GPR83: variants seen among roughly 807,000 people sequenced by gnomAD.
The protein encoded by GPR83 is G protein-coupled receptor 83.
In GPR83, 23 loss-of-function variants were observed where a neutral mutation model predicts 28.0. That is an observed-to-expected ratio of 0.82 (90% CI 0.59 to 1.16). The LOEUF is 1.16. Among genes scored for constraint, GPR83 ranks in the 50% most tolerant of loss-of-function variants. The probability of loss-of-function intolerance (pLI) is 0.00; values close to 1 mark genes in which losing one functional copy is unlikely to be tolerated. For missense variants in GPR83, 610 were observed against 536.6 expected (o/e 1.14, Z -1.35); for synonymous variants, 234 against 215.4 (o/e 1.09, Z -0.76).
At chr11:94,394,045 G>T (rs760972688) in intron 2 of GPR83, among the ~76,000 whole-genome samples, 15 of 152,082 alleles carry the variant, frequency 9.9e-5, no homozygotes, top group Non-Finnish European at 1.6e-4. Context: ...CATCTGCCCC[G>T]CTGGTCATAC....
In GPR83 at chr11:94,380,119, A is replaced by G. The variant is rs775742094; in HGVS notation, c.*30T>C. On this transcript the variant is annotated 3_prime_UTR_variant, in exon 4 of 4. Coordinates refer to ENST00000243673, the MANE Select transcript of GPR83 (RefSeq NM_016540.4). The stretch of plus-strand genomic sequence containing the variant: ...CTTTCCCTGCCTCAGGTGGAGACAG[A>G]CCCCTCCCACTCCCTCTTCCCAACC... 6.7e-7 allele frequency: 1 copy of G among 1,491,806 alleles called. No homozygotes were observed. The highest frequency in any genetic ancestry group is 1.4e-5 in the South Asian group (1 of 69,358). The allele number at this position is 1,491,806 out of a possible 1,614,324, so 92.4% of individuals were successfully genotyped here.
rs1184023257 is a variant in GPR83 at position 94,380,089 on chromosome 11, G to T, written c.*60C>A. On this transcript the variant is annotated 3_prime_UTR_variant, in exon 4 of 4. Transcript: ENST00000243673. ...CTCTGAAGATCATGTGTGAGAATAG[G>T]CTCTCTTTCCCTGCCTCAGGTGGAG... The T allele has an allele frequency of 1.4e-5, 19 of 1,318,314 alleles. No individual in the cohort carries two copies. The highest frequency in any genetic ancestry group is 1.9e-5 in the Non-Finnish European group (18 of 968,000). 81.7% of individuals were successfully genotyped at this position (1,318,314 alleles called of 1,614,324 possible).
At chr11:94,384,722 C>T (rs188497591) in intron 3 of GPR83, among the ~76,000 whole-genome samples, 272 of 152,318 alleles carry the variant, frequency 1.8e-3, no homozygotes, top group Non-Finnish European at 3.4e-3. Flanking sequence ...TGGGTGGAGC[C>T]CACTGCAGCT....
chr11:94,380,846 A>T, intron 3 of GPR83, 73 bp from the exon 4 acceptor site: 1 of 1,343,304 alleles, frequency 7.4e-7, no homozygotes, highest in Non-Finnish European at 1.0e-6. Flanking sequence ...CTTCATCCCA[A>T]GAAGCACTGG....
intron 1 of GPR83, among the ~76,000 whole-genome samples, chr11:94,400,210 T>G (rs1944897864): frequency 6.6e-6 from 1 of 152,160 alleles, no homozygotes; most frequent in Admixed American, 6.5e-5. Context: ...TCATCTCTGC[T>G]GACATTTCAG....
chr11:94,395,294 A>C (rs1401609484), intron 2 of GPR83, among the ~76,000 whole-genome samples: 4 of 152,196 alleles, frequency 2.6e-5, no homozygotes, highest in Non-Finnish European at 4.4e-5. Context: ...ATTGGACTGT[A>C]TCTTTGAATC....
Position 94,401,132 on chromosome 11 carries a change from G to T in GPR83, c.116C>A (p.Ser39Ter), listed in dbSNP as rs1416323128. Reference protein sequence around the residue: ...AEAALAVPNASHFFSWNNYTF... With the variant: ...AEAALAVPNA Reference sequence around the variant, plus strand: ...GTAGTTGTTCCAAGAGAAGAAGTGCGAGGCATTGGGCACGGCCAGGGCCGC... The same window carrying T: ...GTAGTTGTTCCAAGAGAAGAAGTGCTAGGCATTGGGCACGGCCAGGGCCGC... Residue 39 changes from serine (S) to a stop codon, truncating the protein, a stop_gained, in exon 1 of 4, where the codon TCG (serine) becomes TAG (stop). Coordinates refer to ENST00000243673, the MANE Select transcript of GPR83 (RefSeq NM_016540.4). LOFTEE classifies it high-confidence loss of function. 1 of 1,614,232 alleles carries T rather than the reference G, an allele frequency of 6.2e-7. No individual in the cohort carries two copies.
intron 3 of GPR83, among the ~76,000 whole-genome samples, chr11:94,387,215 A>G (rs1295525097): frequency 6.6e-6 from 1 of 152,230 alleles, no homozygotes; most frequent in East Asian, 1.9e-4. Context: ...AATGCCCACA[A>G]GGGAAACCAG....
chr11:94,399,671 T>C (rs1381224591), intron 1 of GPR83, among the ~76,000 whole-genome samples: 1 of 152,238 alleles, frequency 6.6e-6, no homozygotes, highest in African/African-American at 2.4e-5. Flanking sequence ...TTGTCTGTTA[T>C]ATCTGGTTGT....
At chr11:94,381,012 G>C (rs1364286494) in intron 3 of GPR83, among the ~76,000 whole-genome samples, 1 of 152,088 alleles carries the variant, frequency 6.6e-6, no homozygotes, top group African/African-American at 2.4e-5. Flanking sequence ...TCTTAATCTT[G>C]TGCAATTCCT....
intron 1 of GPR83, among the ~76,000 whole-genome samples, chr11:94,400,593 C>T (rs1565189446): frequency 1.4e-5 from 2 of 144,786 alleles, no homozygotes; most frequent in Non-Finnish European, 3.0e-5. Context: ...AGAAGAGAGA[C>T]AGAAAGACTT....
intron 1 of GPR83, among the ~76,000 whole-genome samples, chr11:94,399,012 T>C (rs1053411967): frequency 6.6e-6 from 1 of 152,146 alleles, no homozygotes; most frequent in Non-Finnish European, 1.5e-5. Context: ...CTCTCAGGTG[T>C]AGCCTGTCCT....
intron 3 of GPR83, among the ~76,000 whole-genome samples, chr11:94,383,875 C>A (rs148382857): frequency 2.6e-4 from 39 of 152,262 alleles, no homozygotes; most frequent in African/African-American, 9.1e-4. Flanking sequence ...CAGGACCAGA[C>A]AGATTCACAG....
chr11:94,393,564 T>C lies in GPR83; in HGVS notation c.568A>G (p.Ile190Val), dbSNP rs771259350. The C allele has an allele frequency of 5.0e-6, 8 of 1,613,772 alleles. No individual in the cohort carries two copies. The Admixed American group carries it at 5.0e-5, about 10-fold the overall frequency. Residue 190 changes from isoleucine (I) to valine (V), a missense_variant, in exon 3 of 4, where the codon ATC becomes GTC. Transcript: ENST00000243673. ...GTAGCCATGGTCCAGATGACAGCGATGTAGATGACACCCTTTGTGATTGAG... is the reference window on the plus strand; with the variant it reads ...GTAGCCATGGTCCAGATGACAGCGACGTAGATGACACCCTTTGTGATTGAG... ...RISITKGVIY[I>V]AVIWTMATFF... is the part of the protein sequence containing the mutation.
intron 3 of GPR83, among the ~76,000 whole-genome samples, chr11:94,381,363 C>A (rs1002522448): frequency 1.3e-5 from 2 of 152,040 alleles, no homozygotes; most frequent in African/African-American, 4.8e-5. Context: ...AGAGAGGAAA[C>A]TTCCTTTGCT....
chr11:94,394,870 CA>C (rs1944851564), intron 2 of GPR83, among the ~76,000 whole-genome samples: 1 of 152,168 alleles, frequency 6.6e-6, no homozygotes, highest in African/African-American at 2.4e-5. Flanking sequence ...TCAACATGAG[CA>C]AGGCTTTGCC....
rs984002109 is a variant in GPR83, at chr11:94,380,451, T to C, written c.970A>G (p.Asn324Asp). 6.2e-7 allele frequency: 1 copy of C among 1,614,080 alleles called. No individual in the cohort carries two copies. The highest frequency in any genetic ancestry group is 1.3e-5 in the African/African-American group (1 of 75,020). ...LLSSKVIRTNNALYFAFHWFA... is the reference protein window; with the variant it reads ...LLSSKVIRTNDALYFAFHWFA... ...CAGTGGAAGGCAAAGTAGAGGGCAT[T>C]GTTGGTGCGGATGACCTTGCTGGAC... Residue 324 changes from asparagine (N) to aspartate (D), a missense_variant, in exon 4 of 4, where the codon AAT becomes GAT. By Grantham distance (23) the Asn-to-Asp change is conservative. Transcript: ENST00000243673.
chr11:94,396,446 G>T lies in GPR83; in HGVS notation c.466C>A (p.His156Asn). 2 of 1,614,080 alleles carry T rather than the reference G, an allele frequency of 1.2e-6. No homozygotes were observed. Among genetic ancestry groups the T allele is most frequent in the Non-Finnish European group, 1.7e-6 (2 of 1,179,912 alleles). ...VSRFAQYCSL[H>N]VSALTLTAIA... ...GCTGTCAGTGTCAGTGCTGAGACGT[G>T]CAGTGAGCAGTACTGGGCAAAGCGG... is the stretch of plus-strand genomic sequence containing the variant. Residue 156 changes from histidine (H) to asparagine (N), a missense_variant, in exon 2 of 4, where the codon CAC becomes AAC. Transcript: ENST00000243673.
intron 1 of GPR83, among the ~76,000 whole-genome samples, chr11:94,400,560 AAGAT>A (rs1362084446): frequency 7.9e-5 from 12 of 151,560 alleles, no homozygotes; most frequent in African/African-American, 2.9e-4. Context: ...AAAAAAAAAA[AAGAT>A]GAGGACACTG....
Sources: gnomAD v4.1 joint callset for allele counts (sites outside exome capture counted in the v4.1 genomes callset) on GRCh38, gnomAD v4.1.1 for gene constraint, MANE v1.5 for transcripts, NCBI Gene and HGNC (gene_info 2026-07-23, HGNC 2026-07-21) for gene names.